Variants in CENPW observed in about 807,000 individuals in gnomAD.
CENPW encodes the protein centromere protein W.
Under a neutral mutation model 11.1 loss-of-function variants are expected in CENPW, and 3 were observed. The observed-to-expected ratio is 0.27, with a 90% CI of 0.12 to 0.70. CENPW has a LOEUF of 0.70. Ranked by LOEUF, CENPW falls within the 30% of genes least tolerant of loss-of-function variation. The pLI, the probability that CENPW is intolerant of heterozygous loss-of-function variation, is 0.77. For synonymous variants in CENPW, 38 were observed against 42.0 expected, an observed-to-expected ratio of 0.91 and a Z score of 0.37; for missense variants, 100 against 105.6, an observed-to-expected ratio of 0.95 and a Z score of 0.23.
the CENPW span, among the ~76,000 whole-genome samples, chr6:126,465,663 A>T: frequency 2.1e-4 from 32 of 152,126 alleles, no homozygotes; most frequent in African/African-American, 7.2e-4. Flanking sequence ...TGACATAAAG[A>T]CAGAGAAATT....
At chr6:126,416,229 G>A in the CENPW span, among the ~76,000 whole-genome samples, 11 of 152,142 alleles carry the variant, frequency 7.2e-5, no homozygotes, top group Non-Finnish European at 1.2e-4. Context: ...TTTATGGAAC[G>A]TTGAAATTGA....
chr6:126,461,131 T>TA, the CENPW span, among the ~76,000 whole-genome samples: 1 of 151,830 alleles, frequency 6.6e-6, no homozygotes, highest in African/African-American at 2.4e-5. Context: ...GTAGTTCCCA[T>TA]AATTACCACG....
the CENPW span, among the ~76,000 whole-genome samples, chr6:126,442,183 T>G: frequency 1.3e-5 from 2 of 151,716 alleles, no homozygotes; most frequent in Admixed American, 1.3e-4. Context: ...TGGTTTTGAT[T>G]TGCATTTCTC....
At chr6:126,450,237 A>G in the CENPW span, among the ~76,000 whole-genome samples, 2 of 151,164 alleles carry the variant, frequency 1.3e-5, no homozygotes, top group South Asian at 2.1e-4. Context: ...GTTAAACAAT[A>G]TGTATTAAAT....
chr6:126,413,619 T>C, the CENPW span, among the ~76,000 whole-genome samples: 1 of 151,764 alleles, frequency 6.6e-6, no homozygotes, highest in East Asian at 1.9e-4. Flanking sequence ...AATATGATAA[T>C]TACTATCATG....
intron 1 of CENPW, among the ~76,000 whole-genome samples, chr6:126,341,442 C>T (rs1385610776): frequency 6.6e-6 from 1 of 152,188 alleles, no homozygotes; most frequent in African/African-American, 2.4e-5. Context: ...ACTGCCACCC[C>T]ATCTGTTGCT....
the CENPW span, among the ~76,000 whole-genome samples, chr6:126,423,820 C>A: frequency 6.8e-6 from 1 of 147,060 alleles, no homozygotes; most frequent in Non-Finnish European, 1.5e-5. Flanking sequence ...TTTAATTTTT[C>A]TCTTAAATTT....
At chr6:126,376,258 T>C in the CENPW span, among the ~76,000 whole-genome samples, 3 of 152,184 alleles carry the variant, frequency 2.0e-5, no homozygotes, top group African/African-American at 7.2e-5. Context: ...CATTCAGCTC[T>C]GCATGCATAG....
chr6:126,452,433 G>A, the CENPW span, among the ~76,000 whole-genome samples: 3 of 150,990 alleles, frequency 2.0e-5, no homozygotes, highest in Non-Finnish European at 3.0e-5. Context: ...AAGATATACA[G>A]GAGAACGTAT....
the CENPW span, among the ~76,000 whole-genome samples, chr6:126,361,376 T>G: frequency 6.6e-6 from 1 of 152,128 alleles, no homozygotes; most frequent in African/African-American, 2.4e-5. Context: ...CCCGGCTCAC[T>G]GCAAGCTCCG....
At chr6:126,355,944 T>C in the CENPW span, among the ~76,000 whole-genome samples, 2 of 152,144 alleles carry the variant, frequency 1.3e-5, no homozygotes, top group South Asian at 4.1e-4. Context: ...CTTCCAGTTA[T>C]ATGTAGCCAG....
chr6:126,430,074 C>T, the CENPW span, among the ~76,000 whole-genome samples: 1 of 152,184 alleles, frequency 6.6e-6, no homozygotes, highest in Non-Finnish European at 1.5e-5. Context: ...TGTTAGCTCA[C>T]TTATCATGGA....
At chr6:126,390,369 G>A in the CENPW span, among the ~76,000 whole-genome samples, 1 of 151,808 alleles carries the variant, frequency 6.6e-6, no homozygotes, top group Admixed American at 6.6e-5. Context: ...TATTTATGGA[G>A]CACAGAAGAT....
At chr6:126,343,974 C>T (rs900627685) in intron 1 of CENPW, among the ~76,000 whole-genome samples, 2 of 152,152 alleles carry the variant, frequency 1.3e-5, no homozygotes, top group Non-Finnish European at 2.9e-5. Context: ...GGTATTCCAT[C>T]TAGGTTAATG....
chr6:126,403,892 T>C, the CENPW span, among the ~76,000 whole-genome samples: 1 of 152,052 alleles, frequency 6.6e-6, no homozygotes, highest in Non-Finnish European at 1.5e-5. Context: ...CTTTCATAGC[T>C]AGAGAGGAGA....
the CENPW span, among the ~76,000 whole-genome samples, chr6:126,410,556 A>G: frequency 8.6e-5 from 13 of 151,362 alleles, no homozygotes; most frequent in East Asian, 2.0e-3. Context: ...AAATTTGGCA[A>G]TTTTTCAGCA....
At chr6:126,366,381 G>C in the CENPW span, among the ~76,000 whole-genome samples, 1 of 152,098 alleles carries the variant, frequency 6.6e-6, no homozygotes, top group South Asian at 2.1e-4. Context: ...TTTGTTGTAA[G>C]TTAAACCATT....
the CENPW span, among the ~76,000 whole-genome samples, chr6:126,447,759 G>T: frequency 1.3e-5 from 2 of 151,006 alleles, no homozygotes; most frequent in Non-Finnish European, 3.0e-5. Context: ...GCCATACATT[G>T]CCTTGGTCAG....
At chr6:126,364,980 G>A in the CENPW span, among the ~76,000 whole-genome samples, 1 of 152,346 alleles carries the variant, frequency 6.6e-6, no homozygotes, top group African/African-American at 2.4e-5. Context: ...TCAGAGAGAA[G>A]TAACTTGATG....
Sources: gnomAD v4.1 joint callset for allele counts (sites outside exome capture counted in the v4.1 genomes callset) on GRCh38, gnomAD v4.1.1 for gene constraint, MANE v1.5 for transcripts, NCBI Gene and HGNC (gene_info 2026-07-23, HGNC 2026-07-21) for gene names.